Variants in CCDC13 observed in about 807,000 individuals in gnomAD.
CCDC13 encodes the protein coiled-coil domain containing 13.
A neutral mutation model predicts 87.3 loss-of-function variants in CCDC13; 70 were observed. The ratio of observed to expected loss-of-function variants is 0.80; its 90% confidence interval spans 0.66 to 0.98. The LOEUF (loss-of-function observed/expected upper bound fraction) is 0.98, where lower values mean the gene tolerates loss of function less well. Among genes scored for constraint, CCDC13 ranks in the 50% least tolerant of loss-of-function variants. CCDC13 has a pLI of 0.00. For missense variants in CCDC13, 842 were observed against 892.0 expected (o/e 0.94, Z 0.71); for synonymous variants, 317 against 360.3 (o/e 0.88, Z 1.36).
Position 42,709,066 on chromosome 3 carries a change from C to T in CCDC13, c.2062G>A (p.Asp688Asn), listed in dbSNP as rs1473805011. ...LGSALRGKEE[D>N]FRMYHEILGQ... The stretch of plus-strand genomic sequence containing the variant: ...AGGATCTCATGGTACATCCGGAAGT[C>T]CTCCTCCTTTCCCCGCAGGGCACTG... Residue 688 changes from aspartate (D) to asparagine (N), a missense_variant, in exon 16 of 16, where the codon GAC becomes AAC. Asp to Asn is a conservative substitution (Grantham distance 23). Transcript: ENST00000310232. 1.9e-6 allele frequency: 3 copies of T among 1,614,066 alleles called. No homozygotes were observed. The highest frequency in any genetic ancestry group is 2.5e-6 in the Non-Finnish European group (3 of 1,179,946).
chr3:42,709,678 G>A lies in CCDC13; in HGVS notation c.1988+6C>T. 5 of 1,611,130 alleles carry A rather than the reference G, an allele frequency of 3.1e-6. No individual in the cohort carries two copies. The highest frequency in any genetic ancestry group is 3.4e-6 in the Non-Finnish European group (4 of 1,177,282). On this transcript the variant is annotated splice_donor_region_variant and intron_variant, in intron 15 of 15. Coordinates refer to ENST00000310232, the MANE Select transcript of CCDC13 (RefSeq NM_144719.4). Reference sequence around the variant, plus strand: ...ACCCTTTCAGGAAGGCGGGGCAGGGGAGCACCTGGTTGTCAGCTCTTCCAT... The same window carrying A: ...ACCCTTTCAGGAAGGCGGGGCAGGGAAGCACCTGGTTGTCAGCTCTTCCAT...
At chr3:42,752,797 G>T in intron 3 of CCDC13, 80 bp from the exon 4 acceptor site, 2 of 1,546,516 alleles carry the variant, frequency 1.3e-6, no homozygotes, top group African/African-American at 2.7e-5. Context: ...AACAGCACCA[G>T]GGTCTTAAAA....
intron 1 of CCDC13, chr3:42,770,796 C>G (rs180776125): frequency 6.5e-6 from 1 of 153,012 alleles, no homozygotes; most frequent in East Asian, 1.9e-4. Context: ...TCCAGACGCA[C>G]CACCCTAAGA....
At chr3:42,744,016 T>C (rs181111895) in intron 7 of CCDC13, among the ~76,000 whole-genome samples, 2 of 152,308 alleles carry the variant, frequency 1.3e-5, no homozygotes, top group Admixed American at 1.3e-4. Context: ...TTCAGTATTG[T>C]GAAGTTGTCT....
At chr3:42,731,583 G>A (rs1374668300) in intron 12 of CCDC13, among the ~76,000 whole-genome samples, 3 of 152,148 alleles carry the variant, frequency 2.0e-5, no homozygotes, top group Non-Finnish European at 4.4e-5. Context: ...TGACCTGGCT[G>A]ATCAGCAGGG....
At chr3:42,751,034 C>A (rs987263645) in intron 5 of CCDC13, among the ~76,000 whole-genome samples, 3 of 152,134 alleles carry the variant, frequency 2.0e-5, no homozygotes, top group African/African-American at 7.2e-5. Context: ...ACATTCACCT[C>A]GGAACCTGAG....
intron 14 of CCDC13, among the ~76,000 whole-genome samples, chr3:42,711,561 C>T (rs1054028965): frequency 2.0e-5 from 3 of 152,246 alleles, no homozygotes; most frequent in Non-Finnish European, 2.9e-5. Flanking sequence ...CCTGCCTCCT[C>T]CCTGTTCCTC....
Position 42,707,428 on chromosome 3 carries a change from A to G in CCDC13, c.*1552T>C, listed in dbSNP as rs986691385. ...GCTGTGGGATCTCTAGATCCGTGTG[A>G]CCCCATGCAGGGTCAGGGGCTCCCT... On this transcript the variant is annotated 3_prime_UTR_variant, in exon 16 of 16. Coordinates refer to ENST00000310232, the MANE Select transcript of CCDC13 (RefSeq NM_144719.4). Among the ~76,000 whole-genome samples the G allele has an allele frequency of 9.9e-5, 15 of 151,942 alleles. No homozygotes were observed. The highest frequency in any genetic ancestry group is 3.6e-4 in the African/African-American group (15 of 41,364).
At chr3:42,742,815 C>T in intron 8 of CCDC13, 81 bp downstream of exon 8, 2 of 1,548,380 alleles carry the variant, frequency 1.3e-6, no homozygotes, top group Non-Finnish European at 1.8e-6. Context: ...CTTCTGACCA[C>T]ATGTGCCTCA....
intron 1 of CCDC13, among the ~76,000 whole-genome samples, chr3:42,760,047 T>G (rs1320312150): frequency 6.6e-6 from 1 of 152,142 alleles, no homozygotes; most frequent in Non-Finnish European, 1.5e-5. Context: ...ATCCCATCCC[T>G]CTAGGAGGCC....
chr3:42,748,036 A>G (rs1372670335), intron 5 of CCDC13, among the ~76,000 whole-genome samples: 1 of 151,644 alleles, frequency 6.6e-6, no homozygotes, highest in Non-Finnish European at 1.5e-5. Context: ...GAAGAACTAC[A>G]GCAACCATGA....
At chr3:42,726,896 G>A (rs1318372532) in intron 13 of CCDC13, among the ~76,000 whole-genome samples, 1 of 152,046 alleles carries the variant, frequency 6.6e-6, no homozygotes, top group East Asian at 1.9e-4. Context: ...GCATCGGAGA[G>A]AAAGGACAAA....
At chr3:42,731,866 G>A (rs1017818797) in intron 12 of CCDC13, among the ~76,000 whole-genome samples, 1 of 152,196 alleles carries the variant, frequency 6.6e-6, no homozygotes, top group Non-Finnish European at 1.5e-5. Context: ...GTCGAGTTTA[G>A]TAAGTATTTG....
chr3:42,747,586 T>A (rs183389211), intron 5 of CCDC13, among the ~76,000 whole-genome samples: 1 of 152,366 alleles, frequency 6.6e-6, no homozygotes. Flanking sequence ...AGTCCTCTAC[T>A]TGAGCTACCT....
At chr3:42,714,857 A>G (rs1049301239) in intron 13 of CCDC13, among the ~76,000 whole-genome samples, 3 of 152,264 alleles carry the variant, frequency 2.0e-5, no homozygotes, top group African/African-American at 7.2e-5. Flanking sequence ...GCAAAAACCC[A>G]AAACAACCTA....
At chr3:42,733,845 G>A (rs1698910800) in intron 10 of CCDC13, among the ~76,000 whole-genome samples, 1 of 152,220 alleles carries the variant, frequency 6.6e-6, no homozygotes, top group South Asian at 2.1e-4. Context: ...GGGCCAGGAA[G>A]CTGTTCTACA....
rs193277809 is a variant in CCDC13, at chr3:42,721,816, A to G, written c.1719-8500T>C. On this transcript the variant is annotated intron_variant, in intron 13 of 15. Coordinates refer to ENST00000310232, the MANE Select transcript of CCDC13 (RefSeq NM_144719.4). The stretch of plus-strand genomic sequence containing the variant: ...ATCAAATTTGACTTGTAGAGCCAAT[A>G]AAAACCCCTTGGGCAACTGACCTTG... 2.6e-3 allele frequency among the ~76,000 whole-genome samples: 395 copies of G among 152,368 alleles called. 3 individuals are homozygous for G. Among genetic ancestry groups the G allele is most frequent in the Non-Finnish European group, 3.2e-3 (217 of 68,038 alleles).
Position 42,747,348 on chromosome 3 carries a change from A to G in CCDC13, c.629T>C (p.Leu210Pro). 2 of 1,614,062 alleles carry G rather than the reference A, an allele frequency of 1.2e-6. No individual in the cohort carries two copies. The highest frequency in any genetic ancestry group is 2.7e-5 in the African/African-American group (2 of 75,062). The change falls in exon 6 of 16, where the codon CTG (leucine) becomes CCG (proline). Residue 210 changes from leucine to proline, a missense_variant. Physicochemically the swap from Leu to Pro is moderately conservative, Grantham distance 98. Transcript: ENST00000310232. ...GTTGGTGGCCACCAGCCTGTCCTGC[A>G]GGGCCTTCACCTCTGGGGTCTCCAG... ...ALLETPEVKA[L>P]QDRLVATNLK...
At chr3:42,716,373 A>G (rs1698430984) in intron 13 of CCDC13, among the ~76,000 whole-genome samples, 1 of 152,228 alleles carries the variant, frequency 6.6e-6, no homozygotes, top group Admixed American at 6.5e-5. Flanking sequence ...AGTTTACAAA[A>G]AACTTGATTT....
Sources: allele counts gnomAD v4.1 joint callset (sites outside exome capture counted in the v4.1 genomes callset), GRCh38; gene constraint gnomAD v4.1.1; transcripts MANE v1.5; gene names NCBI Gene and HGNC (gene_info 2026-07-23, HGNC 2026-07-21).